The following TSBP1 variants were observed in gnomAD, a reference collection of about 807,000 sequenced individuals.
The protein encoded by TSBP1 is testis-expressed basic protein 1.
Under a neutral mutation model 68.8 loss-of-function variants are expected in TSBP1, and 56 were observed. The ratio of observed to expected loss-of-function variants is 0.81; its 90% CI spans 0.66 to 1.02. TSBP1 has a LOEUF of 1.02. Among genes scored for constraint, TSBP1 ranks in the 50% least tolerant of loss-of-function variants. The pLI, the probability that TSBP1 is intolerant of heterozygous loss-of-function variation, is 0.00. For missense variants in TSBP1, 502 were observed against 641.2 expected, an observed-to-expected ratio of 0.78 and a Z score of 2.34; for synonymous variants, 171 against 208.7, an observed-to-expected ratio of 0.82 and a Z score of 1.56.
At chr6:32,293,899 T>C (rs1306587555) in exon 23 of TSBP1, 1 of 1,612,836 alleles carries the variant, frequency 6.2e-7, no homozygotes, top group East Asian at 2.2e-5. Context: ...AATTCGTAAA[T>C]ATGATGTCAT....
rs2127552970 is a variant in TSBP1 at position 32,292,998 on chromosome 6, T to C, written c.1675A>G (p.Lys559Glu). 1.3e-6 allele frequency: 2 copies of C among 1,595,396 alleles called. No individual in the cohort carries two copies. Among genetic ancestry groups the C allele is most frequent in the Admixed American group, 3.6e-5 (2 of 54,878 alleles). ...ATTTATCCTTACTCTTCCACTTTTTTGTTGTACTTCCTTCCTGTATTTGCC... is the reference window on the plus strand; with the variant it reads ...ATTTATCCTTACTCTTCCACTTTTTCGTTGTACTTCCTTCCTGTATTTGCC... Residue 559 changes from lysine to glutamate, a missense_variant, in exon 23 of 23, where the codon AAA becomes GAA. Physicochemically the swap from Lys to Glu is moderately conservative, Grantham distance 56. Coordinates refer to ENST00000612031, the Ensembl canonical transcript of TSBP1. This position sits in a 1 kb window ranked among gnomAD's most constrained non-coding sequence, Gnocchi z 4.1.
intron 16 of TSBP1, among the ~76,000 whole-genome samples, chr6:32,327,655 T>TTTTATTTTCTTTCTTTC (rs1222486538): frequency 3.8e-4 from 14 of 36,938 alleles, no homozygotes; most frequent in African/African-American, 9.7e-4. Flanking sequence ...TTTCTTTTTC[T>TTTTATTTTCTTTCTTTC]TTTTTTTTTT....
chr6:32,328,901 A>C (rs1768587534), intron 16 of TSBP1, among the ~76,000 whole-genome samples: 1 of 152,116 alleles, frequency 6.6e-6, no homozygotes, highest in African/African-American at 2.4e-5. Context: ...TTAATTAATT[A>C]ATTATATTTA....
exon 23 of TSBP1, chr6:32,293,932 T>C: frequency 6.2e-7 from 1 of 1,612,626 alleles, no homozygotes. Flanking sequence ...CCTTGTTTTC[T>C]TCTCGGCTAT....
chr6:32,366,556 G>A lies in TSBP1; in HGVS notation c.167-254C>T. On this transcript the variant is annotated intron_variant, in intron 4 of 22. Coordinates refer to ENST00000612031, the Ensembl canonical transcript of TSBP1. ...AGGCGGGTGGATCACGAGGTCAGGA[G>A]ATCGAGACCATCCTGGCTAACACGG... is the stretch of plus-strand genomic sequence containing the variant. 6.7e-6 allele frequency: 3 copies of A among 449,444 alleles called. No homozygotes were observed. In the Admixed American group the frequency reaches 1.1e-4, roughly 16 times the overall value. 27.8% of individuals were successfully genotyped at this position (449,444 alleles called of 1,614,324 possible).
At chr6:32,322,189 C>G (rs933407532) in intron 18 of TSBP1, among the ~76,000 whole-genome samples, 1 of 152,148 alleles carries the variant, frequency 6.6e-6, no homozygotes, top group Non-Finnish European at 1.5e-5. Context: ...AAAGGTAGGA[C>G]ATAGTGTGAA....
At chr6:32,319,847 A>T (rs1343189727) in intron 18 of TSBP1, among the ~76,000 whole-genome samples, 1 of 151,944 alleles carries the variant, frequency 6.6e-6, no homozygotes, top group East Asian at 1.9e-4. Context: ...AGTGCTTAGG[A>T]TAATGCCTGG....
chr6:32,330,635 A>ACACACAC (rs1768885241), intron 15 of TSBP1, 26 bp from the exon 17 acceptor site: 10 of 1,134,682 alleles, frequency 8.8e-6, no homozygotes, highest in African/African-American at 1.7e-5. Context: ...AAACAAATTA[A>ACACACAC]ACACACACAC....
chr6:32,348,895 C>A (rs950859947), intron 9 of TSBP1, among the ~76,000 whole-genome samples: 2 of 152,188 alleles, frequency 1.3e-5, no homozygotes, highest in African/African-American at 4.8e-5. Flanking sequence ...GAATTTATTA[C>A]TGTTTTGCTG....
rs560887825 is a variant in TSBP1, at chr6:32,336,673, A to C, written c.410-38T>G. 1 of 1,596,230 alleles carries C rather than the reference A, an allele frequency of 6.3e-7. No individual in the cohort carries two copies. The highest frequency in any genetic ancestry group is 1.3e-5 in the African/African-American group (1 of 74,704). Reference sequence around the variant, plus strand: ...AAGGAGGAAAGTGTGGTTTGACATTAATAGAATTTTCATTTTACCAGTATT... The same window carrying C: ...AAGGAGGAAAGTGTGGTTTGACATTCATAGAATTTTCATTTTACCAGTATT... On this transcript the variant is annotated intron_variant, in intron 11 of 22. Transcript: ENST00000612031. The surrounding 1 kb of genome is among the most constrained non-coding windows in gnomAD (Gnocchi z 5.2).
rs9268234 is a variant in TSBP1, at chr6:32,321,613, A to C, written c.559+1504T>G. On this transcript the variant is annotated intron_variant, in intron 18 of 22. Coordinates refer to ENST00000612031, the Ensembl canonical transcript of TSBP1. This position sits in a 1 kb window ranked among gnomAD's most constrained non-coding sequence, Gnocchi z 4.3. ...TACTTAGCCGATCAGCCTCTTTGCT[A>C]AGGCTTCAGAAAGATGTGTGGATGA... is the stretch of plus-strand genomic sequence containing the variant. Among the ~76,000 whole-genome samples the C allele has an allele frequency of 0.83, 126,050 of 152,174 alleles. 52,322 individuals are homozygous for C. The highest frequency in any genetic ancestry group is 0.92 in the South Asian group (4,437 of 4,822).
At chr6:32,297,331 G>T (rs942370080) in intron 22 of TSBP1, among the ~76,000 whole-genome samples, 8 of 152,120 alleles carry the variant, frequency 5.3e-5, no homozygotes, top group African/African-American at 1.9e-4. Context: ...ATTTAATCAA[G>T]ACTTTGGGGA....
intron 10 of TSBP1, 53 bp downstream of exon 11, chr6:32,339,547 A>G (rs1269595026): frequency 1.1e-6 from 1 of 924,394 alleles, no homozygotes; most frequent in Admixed American, 1.8e-5. Context: ...AAATTTGTAC[A>G]ATTATTAGGT....
rs1253026376 is a variant in TSBP1, at chr6:32,314,633, G to T, written c.580+1139C>A. 6.6e-6 allele frequency among the ~76,000 whole-genome samples: 1 copy of T among 152,176 alleles called. No individual in the cohort carries two copies. The highest frequency in any genetic ancestry group is 2.4e-5 in the African/African-American group (1 of 41,440). ...ACTCACTTATAATTCTTTGTTGACA[G>T]TTCCATTTCTCTTCACTCAAATACC... On this transcript the variant is annotated intron_variant, in intron 19 of 22. Transcript: ENST00000612031. This position sits in a 1 kb window ranked among gnomAD's most constrained non-coding sequence, Gnocchi z 4.2.
At chr6:32,297,670 G>A (rs1764848693) in intron 22 of TSBP1, among the ~76,000 whole-genome samples, 1 of 152,208 alleles carries the variant, frequency 6.6e-6, no homozygotes, top group South Asian at 2.1e-4. Flanking sequence ...TGAGAAATAA[G>A]AGACTCAGTT....
Position 32,333,589 on chromosome 6 carries a change from G to A in TSBP1, c.473-1535C>T, listed in dbSNP as rs1466266454. On this transcript the variant is annotated intron_variant, in intron 14 of 22. Coordinates refer to ENST00000612031, the Ensembl canonical transcript of TSBP1. The surrounding 1 kb of genome is among the most constrained non-coding windows in gnomAD (Gnocchi z 4.2). ...AACAGAATAGGTCCTAGGTGGCTAT[G>A]TGGACACCTGCATAGATCATGGCGA... Among the ~76,000 whole-genome samples the A allele has an allele frequency of 1.5e-5, 2 of 130,994 alleles. No individual in the cohort carries two copies. Among genetic ancestry groups the A allele is most frequent in the Admixed American group, 1.7e-4 (2 of 11,806 alleles). The allele number at this position is 130,994 out of a possible 152,430, so 85.9% of individuals were successfully genotyped here.
At position 32,294,042 on chromosome 6, in the gene TSBP1, A is replaced by G. The variant is rs1200603292; in HGVS notation, c.638-7T>C. On this transcript the variant is annotated splice_region_variant and splice_polypyrimidine_tract_variant and intron_variant, in intron 22 of 22. Coordinates refer to ENST00000612031, the Ensembl canonical transcript of TSBP1. ...ATGTAACCTGTTAATATAACTGAGC[A>G]TACAACAAAAGGGCGTGATTTAGAT... is the stretch of plus-strand genomic sequence containing the variant. 13 of 1,605,348 alleles carry G rather than the reference A, an allele frequency of 8.1e-6. No homozygotes were observed. The highest frequency in any genetic ancestry group is 1.7e-5 in the Admixed American group (1 of 59,484).
intron 1 of TSBP1, among the ~76,000 whole-genome samples, chr6:32,370,512 G>A (rs112540072): frequency 0.062 from 9,349 of 150,544 alleles, 503 homozygotes; most frequent in East Asian, 0.09. Flanking sequence ...TTATGAGTGA[G>A]TGATCAAAAA....
At chr6:32,368,014 T>A in intron 3 of TSBP1, 57 bp from the exon 4 acceptor site, 1 of 1,385,678 alleles carries the variant, frequency 7.2e-7, no homozygotes, top group Non-Finnish European at 1.0e-6. Context: ...TGAGGCTTTA[T>A]TTAAGACTCT....
Sources: allele counts gnomAD v4.1 joint callset (sites outside exome capture counted in the v4.1 genomes callset), GRCh38; gene constraint gnomAD v4.1.1; non-coding constraint Gnocchi (gnomAD v3.1); transcripts MANE v1.5; gene names NCBI Gene and HGNC (gene_info 2026-07-23, HGNC 2026-07-21).